MIAT: variants seen among roughly 807,000 people sequenced by gnomAD.
MIAT encodes the protein MI related novel mRNA.
rs1290523790 is a variant in MIAT at position 26,648,075 on chromosome 22, G to A, written n.646+764G>A. ...GTGGCTGAGAGGGGTGGCGGCAGGC[G>A]GGCGGGGAGGAGGGAAGGCAGCCGC... is the stretch of plus-strand genomic sequence containing the variant. On this transcript the variant is annotated intron_variant and non_coding_transcript_variant, in intron 2 of 5. Transcript: ENST00000643270. Among the ~76,000 whole-genome samples, 3 of 152,130 alleles carry A rather than the reference G, an allele frequency of 2.0e-5. No homozygotes were observed. The East Asian group carries it at 5.8e-4, about 29-fold the overall frequency.
intron 2 of MIAT, among the ~76,000 whole-genome samples, chr22:26,659,793 A>AG (rs1444987945): frequency 6.6e-6 from 1 of 150,498 alleles, no homozygotes; most frequent in Non-Finnish European, 1.5e-5. Flanking sequence ...GACAAAAAAA[A>AG]AAGAAAACTC....
chr22:26,647,990 C>T (rs1166447631), intron 2 of MIAT, among the ~76,000 whole-genome samples: 3 of 152,120 alleles, frequency 2.0e-5, no homozygotes, highest in African/African-American at 4.8e-5. Context: ...TTCCTTCTAG[C>T]CCCATCTCTG....
intron 2 of MIAT, among the ~76,000 whole-genome samples, chr22:26,659,109 G>A (rs925934251): frequency 6.6e-6 from 1 of 152,120 alleles, no homozygotes; most frequent in African/African-American, 2.4e-5. Context: ...GCAGGTTTGG[G>A]GTGGGGCTGG....
intron 2 of MIAT, among the ~76,000 whole-genome samples, chr22:26,662,406 AC>A (rs1930708620): frequency 6.6e-6 from 1 of 152,236 alleles, no homozygotes; most frequent in Non-Finnish European, 1.5e-5. Flanking sequence ...GTAGATAAAG[AC>A]ACTCCCAATT....
At chr22:26,669,560 G>C (rs1226070649) in exon 6 of MIAT, 1 of 398,474 alleles carries the variant, frequency 2.5e-6, no homozygotes, top group African/African-American at 2.1e-5. Context: ...CCCCTTAAAG[G>C]TCCCATCTCC....
chr22:26,671,128 G>A (rs935774709), downstream of MIAT: 2 of 398,542 alleles, frequency 5.0e-6, no homozygotes, highest in African/African-American at 4.1e-5. Flanking sequence ...AGCCCTCTGG[G>A]AAGGGGCTGA....
At chr22:26,670,680 G>A (rs1931014523), downstream of MIAT, 4 of 389,244 alleles carry the variant, frequency 1.0e-5, no homozygotes, top group South Asian at 4.0e-4. Context: ...GGACTTATCA[G>A]AACCTTTAAA....
At chr22:26,668,845 T>G in exon 6 of MIAT, 2 of 398,728 alleles carry the variant, frequency 5.0e-6, no homozygotes, top group Non-Finnish European at 8.8e-6. Context: ...CCCTGTGCTG[T>G]TGAACTCTGG....
exon 6 of MIAT, chr22:26,668,550 T>C: frequency 2.5e-6 from 1 of 399,088 alleles, no homozygotes; most frequent in Non-Finnish European, 4.4e-6. Flanking sequence ...AGACAGAGCC[T>C]GGCCTGGGCC....
Position 26,663,928 on chromosome 22 carries a change from T to G in MIAT, n.729+530T>G, listed in dbSNP as rs894703164. ...CCCAGCCCCAGTCCCAGGAAACCAC[T>G]GACCTGCTTTCTCAGAAGTAGATTG... On this transcript the variant is annotated intron_variant and non_coding_transcript_variant, in intron 3 of 5. Coordinates refer to ENST00000643270, the Ensembl canonical transcript of MIAT. Among the ~76,000 whole-genome samples, 3 of 149,298 alleles carry G rather than the reference T, an allele frequency of 2.0e-5. 1 individual carries two copies. Among genetic ancestry groups the G allele is most frequent in the African/African-American group, 7.4e-5 (3 of 40,400 alleles).
chr22:26,668,604 G>C, exon 6 of MIAT: 1 of 398,882 alleles, frequency 2.5e-6, no homozygotes, highest in East Asian at 3.6e-5. Context: ...GGTCTCAAAG[G>C]ACCCTACAGG....
chr22:26,666,636 G>A (rs756868444), exon 4 of MIAT: 2 of 398,636 alleles, frequency 5.0e-6, no homozygotes, highest in Non-Finnish European at 4.4e-6. Context: ...CTGTTGTTGG[G>A]AAACAGGGAG....
intron 2 of MIAT, among the ~76,000 whole-genome samples, chr22:26,661,927 T>TGTATCTATATAGATCC (rs1201529612): frequency 4.6e-5 from 1 of 21,640 alleles, no homozygotes; most frequent in African/African-American, 3.5e-4. Flanking sequence ...CATATATATA[T>TGTATCTATATAGATCC]ATATATATAT....
At chr22:26,648,207 G>T (rs992835243) in intron 2 of MIAT, among the ~76,000 whole-genome samples, 1 of 152,132 alleles carries the variant, frequency 6.6e-6, no homozygotes, top group African/African-American at 2.4e-5. Flanking sequence ...CTGCTGGGGC[G>T]ACTGGGAGGG....
chr22:26,675,550 A>G (rs1448303348), exon 5 of MIAT: 5 of 398,554 alleles, frequency 1.3e-5, no homozygotes, highest in Admixed American at 4.4e-5. Context: ...CCTTTGGTCC[A>G]TCTTTTGATA....
chr22:26,675,765 C>T (rs1011479494), exon 5 of MIAT: 9 of 398,486 alleles, frequency 2.3e-5, no homozygotes, highest in Non-Finnish European at 3.5e-5. Flanking sequence ...GGGGAGGGAG[C>T]CCATTTGTCA....
chr22:26,663,522 T>A (rs1930742514), intron 3 of MIAT: 2 of 394,288 alleles, frequency 5.1e-6, no homozygotes, highest in African/African-American at 2.1e-5. Context: ...GGGAGAGACT[T>A]CTGATGACCC....
chr22:26,662,174 C>T (rs142468860), intron 2 of MIAT, among the ~76,000 whole-genome samples: 31 of 151,962 alleles, frequency 2.0e-4, no homozygotes, highest in Non-Finnish European at 4.3e-4. Flanking sequence ...CCAGGCTGAT[C>T]GTGAACTCCT....
exon 1 of MIAT, chr22:26,646,466 A>T: frequency 2.5e-6 from 1 of 399,208 alleles, no homozygotes; most frequent in East Asian, 3.6e-5. Context: ...GGCAGGGAGG[A>T]CTGTACAGGG....
Sources: gnomAD v4.1 joint callset for allele counts (sites outside exome capture counted in the v4.1 genomes callset) on GRCh38, gnomAD v4.1.1 for gene constraint, MANE v1.5 for transcripts, NCBI Gene and HGNC (gene_info 2026-07-23, HGNC 2026-07-21) for gene names.